CLSTN2: variants seen among roughly 807,000 people sequenced by gnomAD.
CLSTN2 encodes calsyntenin-2.
CLSTN2 carries 48 observed loss-of-function variants against 101.2 expected under a neutral mutation model. That is an observed-to-expected ratio of 0.47 (90% confidence interval 0.38 to 0.60). CLSTN2 has a LOEUF of 0.60. Among genes scored for constraint, CLSTN2 ranks in the 20% least tolerant of loss-of-function variants. CLSTN2 has a pLI of 0.00. For missense variants in CLSTN2, 1,160 were observed against 1,238.2 expected (o/e 0.94, Z 0.95); for synonymous variants, 481 against 463.6 (o/e 1.04, Z -0.48).
chr3:140,272,023 C>T (rs1473836718), intron 2 of CLSTN2, among the ~76,000 whole-genome samples: 1 of 152,174 alleles, frequency 6.6e-6, no homozygotes, highest in Non-Finnish European at 1.5e-5. Context: ...GAGCAGCTAC[C>T]AGGGCAGTTT....
In CLSTN2 at chr3:140,433,651, C is replaced by A. The variant is rs541296911; in HGVS notation, c.787+12377C>A. Among the ~76,000 whole-genome samples, 3 of 152,336 alleles carry A rather than the reference C, an allele frequency of 2.0e-5. No individual in the cohort carries two copies. The South Asian group carries it at 6.2e-4, about 32-fold the overall frequency. ...CAAGGACATTGGATAAGTCAGTGAACCTCTCAGAACCCTCAGATGTGGCAT... is the reference window on the plus strand; with the variant it reads ...CAAGGACATTGGATAAGTCAGTGAAACTCTCAGAACCCTCAGATGTGGCAT... On this transcript the variant is annotated intron_variant, in intron 5 of 16. Transcript: ENST00000458420.
rs183661538 is a variant in CLSTN2, at chr3:140,571,499, T to A, written c.*5246T>A. ...AGATAACGTTTAGGCCTCTGGGGGA[T>A]CCCCAAAGCCTTCTGCAATGTACTC... On this transcript the variant is annotated 3_prime_UTR_variant, in exon 17 of 17. Coordinates refer to ENST00000458420, the MANE Select transcript of CLSTN2 (RefSeq NM_022131.3). The A allele has an allele frequency of 2.0e-3, 299 of 152,330 alleles. 1 individual carries two copies. Among genetic ancestry groups the A allele is most frequent in the African/African-American group, 7.0e-3 (290 of 41,578 alleles). 9.4% of individuals were successfully genotyped at this position (152,330 alleles called of 1,614,324 possible).
intron 8 of CLSTN2, among the ~76,000 whole-genome samples, chr3:140,478,034 T>A (rs1934024573): frequency 6.6e-6 from 1 of 152,210 alleles, no homozygotes; most frequent in Non-Finnish European, 1.5e-5. Context: ...GAGTTGACCT[T>A]ACCTTCATGG....
At chr3:140,327,998 G>A (rs1370018900) in intron 2 of CLSTN2, among the ~76,000 whole-genome samples, 1 of 152,158 alleles carries the variant, frequency 6.6e-6, no homozygotes. Context: ...CCAGCCCTCT[G>A]AGGGCATCCC....
chr3:140,526,905 T>C lies in CLSTN2; in HGVS notation c.1345-5419T>C, dbSNP rs555941691. On this transcript the variant is annotated intron_variant, in intron 8 of 16. Transcript: ENST00000458420. ...CATATGGAAAAGAATGAAGCTGGAC[T>C]CCTACCTCTCACCATATACAAAAAT... Among the ~76,000 whole-genome samples the C allele has an allele frequency of 2.0e-3, 311 of 152,176 alleles. 3 individuals carry two copies. The highest frequency in any genetic ancestry group is 6.0e-3 in the African/African-American group (251 of 41,562).
At chr3:140,132,572 A>C (rs139345177) in intron 1 of CLSTN2, among the ~76,000 whole-genome samples, 77 of 152,336 alleles carry the variant, frequency 5.1e-4, no homozygotes, top group Admixed American at 1.2e-3. Flanking sequence ...TCTTGGGGTC[A>C]GTTTTCTGCC....
chr3:140,224,086 C>T (rs190599322), intron 2 of CLSTN2, among the ~76,000 whole-genome samples: 7 of 152,200 alleles, frequency 4.6e-5, no homozygotes, highest in African/African-American at 1.4e-4. Context: ...GAGTGGTCCC[C>T]GGGTATGTTT....
At chr3:140,367,970 C>G (rs11714842) in intron 2 of CLSTN2, among the ~76,000 whole-genome samples, 62,515 of 152,032 alleles carry the variant, frequency 0.41, 13,737 homozygotes, top group Non-Finnish European at 0.5. Flanking sequence ...CATGTTACAT[C>G]ACTGGGAAGA....
Position 140,418,490 on chromosome 3 carries a change from GTTCT to G in CLSTN2, c.638-2608_638-2605del, listed in dbSNP as rs368168635. 2.5e-3 allele frequency among the ~76,000 whole-genome samples: 319 copies of G among 128,478 alleles called. 5 individuals carry two copies. Among genetic ancestry groups the G allele is most frequent in the Middle Eastern group, 7.8e-3 (2 of 256 alleles). 84.3% of individuals were successfully genotyped at this position (128,478 alleles called of 152,430 possible). The stretch of plus-strand genomic sequence containing the variant: ...GAAGATAGCAGAATAGATTATTCTA[GTTCT>G]TTCTTTCTTTCTTTCTTTCTTTCTT... On this transcript the variant is annotated intron_variant, in intron 4 of 16. Coordinates refer to ENST00000458420, the MANE Select transcript of CLSTN2 (RefSeq NM_022131.3).
chr3:140,139,458 A>G (rs1195860913), intron 1 of CLSTN2, among the ~76,000 whole-genome samples: 2 of 152,216 alleles, frequency 1.3e-5, no homozygotes, highest in Non-Finnish European at 2.9e-5. Flanking sequence ...ACATGGTTCA[A>G]TAGTTCACAG....
At chr3:139,981,895 C>G (rs184566842) in intron 1 of CLSTN2, among the ~76,000 whole-genome samples, 1 of 152,324 alleles carries the variant, frequency 6.6e-6, no homozygotes, top group African/African-American at 2.4e-5. Context: ...GAAATTCTGT[C>G]TGTTTCCAAG....
intron 8 of CLSTN2, among the ~76,000 whole-genome samples, chr3:140,517,489 AT>A (rs1559892010): frequency 6.6e-6 from 1 of 152,066 alleles, no homozygotes; most frequent in Non-Finnish European, 1.5e-5. Flanking sequence ...TGCTGTTCAG[AT>A]TTTTTTGTCC....
chr3:140,200,593 T>C (rs1369906274), intron 2 of CLSTN2, among the ~76,000 whole-genome samples: 3 of 152,204 alleles, frequency 2.0e-5, no homozygotes, highest in Non-Finnish European at 4.4e-5. Flanking sequence ...AATAAGGCTA[T>C]ATTGACACGC....
intron 2 of CLSTN2, among the ~76,000 whole-genome samples, chr3:140,351,386 A>G (rs1384184847): frequency 6.6e-6 from 1 of 152,190 alleles, no homozygotes; most frequent in Non-Finnish European, 1.5e-5. Flanking sequence ...TAAAACTGTA[A>G]CTTTTAAGAT....
chr3:140,308,422 G>A (rs1017298725), intron 2 of CLSTN2, among the ~76,000 whole-genome samples: 1 of 152,164 alleles, frequency 6.6e-6, no homozygotes, highest in Non-Finnish European at 1.5e-5. Flanking sequence ...AAATGACTTC[G>A]ATTGTTATAT....
At chr3:140,067,075 G>A (rs765512631) in intron 1 of CLSTN2, among the ~76,000 whole-genome samples, 1 of 152,092 alleles carries the variant, frequency 6.6e-6, no homozygotes, top group Non-Finnish European at 1.5e-5. Context: ...GGTGACATGG[G>A]GTAACAAGGA....
chr3:140,497,929 T>C (rs956460221), intron 8 of CLSTN2, among the ~76,000 whole-genome samples: 3 of 152,140 alleles, frequency 2.0e-5, no homozygotes, highest in Non-Finnish European at 2.9e-5. Context: ...TGGCTGGCGT[T>C]GGGGGTTCCT....
chr3:140,338,575 C>T (rs2087464111), intron 2 of CLSTN2, among the ~76,000 whole-genome samples: 1 of 152,030 alleles, frequency 6.6e-6, no homozygotes, highest in Non-Finnish European at 1.5e-5. Context: ...CCCCCCCCGG[C>T]CTCAGTAGTG....
At chr3:140,216,521 C>T (rs2350506) in intron 2 of CLSTN2, among the ~76,000 whole-genome samples, 42,906 of 151,996 alleles carry the variant, frequency 0.28, 7,261 homozygotes, top group Non-Finnish European at 0.39. Flanking sequence ...AGCTTTTCCA[C>T]GTGTGCCTCT....
Sources: gnomAD v4.1 joint callset for allele counts (sites outside exome capture counted in the v4.1 genomes callset) on GRCh38, gnomAD v4.1.1 for gene constraint, MANE v1.5 for transcripts, NCBI Gene and HGNC (gene_info 2026-07-23, HGNC 2026-07-21) for gene names.